Variants in FLRT1 observed in about 807,000 individuals in gnomAD.
FLRT1 encodes fibronectin leucine rich transmembrane protein 1.
A neutral mutation model predicts 30.9 loss-of-function variants in FLRT1; 14 were observed. The observed-to-expected ratio is 0.45, with a 90% CI of 0.30 to 0.71. FLRT1 has a LOEUF of 0.71. Ranked by LOEUF, FLRT1 falls within the 30% of genes least tolerant of loss-of-function variation. The pLI, the probability that FLRT1 is intolerant of heterozygous loss-of-function variation, is 0.08. For missense variants in FLRT1, 737 were observed against 949.2 expected (o/e 0.78, Z 2.94); for synonymous variants, 368 against 430.4 (o/e 0.85, Z 1.80).
At chr11:64,062,632 C>T (rs766456609) in intron 1 of FLRT1, among the ~76,000 whole-genome samples, 1 of 112,254 alleles carries the variant, frequency 8.9e-6, no homozygotes, top group African/African-American at 5.2e-5. Context: ...AGCAAAGGCA[C>T]GTGGCCCTGC....
intron 1 of FLRT1, among the ~76,000 whole-genome samples, chr11:64,063,641 T>C (rs987037363): frequency 6.6e-6 from 1 of 152,082 alleles, no homozygotes; most frequent in African/African-American, 2.4e-5. Flanking sequence ...GGAGTGGGGT[T>C]TGTGTGACGT....
rs1355265061 is a variant in FLRT1 at position 64,054,174 on chromosome 11, G to A, written c.-1038+18015G>A. On this transcript the variant is annotated intron_variant, in intron 1 of 2. Transcript: ENST00000682287. The stretch of plus-strand genomic sequence containing the variant: ...CTAGCCAGGGTCAGGGCAGGGAAGC[G>A]GAAAGGAGGCCCCAACCTCCCTGGG... Among the ~76,000 whole-genome samples the A allele has an allele frequency of 3.9e-5, 6 of 152,304 alleles. No homozygotes were observed. In the Middle Eastern group the frequency reaches 0.01, roughly 259 times the overall value.
chr11:64,083,466 A>G (rs1944338024), intron 1 of FLRT1, among the ~76,000 whole-genome samples: 1 of 152,186 alleles, frequency 6.6e-6, no homozygotes, highest in Non-Finnish European at 1.5e-5. Flanking sequence ...TAAAAGAAGC[A>G]AATGGCAGGA....
At chr11:64,068,152 G>A (rs1303925052) in intron 1 of FLRT1, among the ~76,000 whole-genome samples, 3 of 152,370 alleles carry the variant, frequency 2.0e-5, no homozygotes, top group South Asian at 2.1e-4. Context: ...AAGATATGGC[G>A]TTCAAATTGG....
At chr11:64,052,352 T>A (rs1056969106) in intron 1 of FLRT1, among the ~76,000 whole-genome samples, 23 of 152,320 alleles carry the variant, frequency 1.5e-4, no homozygotes, top group Non-Finnish European at 1.2e-4. Flanking sequence ...TTTTTAAAAA[T>A]TTTTAAAGAG....
chr11:64,118,142 C>A lies in FLRT1; in HGVS notation c.1875C>A (p.Asn625Lys). Residue 625 changes from asparagine (N) to lysine (K), a missense_variant, in exon 3 of 3, where the codon AAC becomes AAA. Physicochemically the swap from Asn to Lys is moderately conservative, Grantham distance 94 (BLOSUM62 0). Transcript: ENST00000682287. Reference protein sequence around the residue: ...RGPGLQMLPINPYRAKEEYVV... With the variant: ...RGPGLQMLPIKPYRAKEEYVV... ...CTGGGCTGCAGATGCTGCCCATCAA[C>A]CCGTACCGCGCCAAAGAAGAGTACG... 6.2e-7 allele frequency: 1 copy of A among 1,613,842 alleles called. No individual in the cohort carries two copies. Among genetic ancestry groups the A allele is most frequent in the Non-Finnish European group, 8.5e-7 (1 of 1,179,956 alleles).
At chr11:64,065,537 C>T (rs538185462) in intron 1 of FLRT1, among the ~76,000 whole-genome samples, 2 of 152,090 alleles carry the variant, frequency 1.3e-5, no homozygotes, top group Non-Finnish European at 2.9e-5. Flanking sequence ...TGCCTGTAAT[C>T]CCAGCACTTT....
At chr11:64,097,899 G>A (rs962896543) in intron 1 of FLRT1, among the ~76,000 whole-genome samples, 6 of 152,156 alleles carry the variant, frequency 3.9e-5, no homozygotes, top group Non-Finnish European at 8.8e-5. Flanking sequence ...TCTTGGTGGT[G>A]CTCCTGGGAG....
chr11:64,066,072 G>A (rs1462959257), intron 1 of FLRT1, among the ~76,000 whole-genome samples: 3 of 152,020 alleles, frequency 2.0e-5, no homozygotes, highest in South Asian at 2.1e-4. Context: ...TGAGGTGGGC[G>A]GATCACCTGA....
At chr11:64,089,139 G>A (rs61884706) in intron 1 of FLRT1, among the ~76,000 whole-genome samples, 48,095 of 152,178 alleles carry the variant, frequency 0.32, 9,320 homozygotes, top group Middle Eastern at 0.43. Flanking sequence ...GGAGCCCGCT[G>A]GTGACCAGCA....
intron 1 of FLRT1, among the ~76,000 whole-genome samples, chr11:64,102,413 G>A (rs1944686843): frequency 1.3e-5 from 2 of 152,168 alleles, no homozygotes; most frequent in Non-Finnish European, 1.5e-5. Flanking sequence ...CCAGAAACAC[G>A]GAGACCCAAC....
intron 2 of FLRT1, among the ~76,000 whole-genome samples, chr11:64,109,677 A>G (rs1314348389): frequency 1.3e-5 from 2 of 151,994 alleles, no homozygotes; most frequent in African/African-American, 2.4e-5. Flanking sequence ...AGGGCCTCCC[A>G]TGGGAGGCTG....
At chr11:64,054,762 C>A (rs1332349778) in intron 1 of FLRT1, among the ~76,000 whole-genome samples, 1 of 152,126 alleles carries the variant, frequency 6.6e-6, no homozygotes, top group African/African-American at 2.4e-5. Context: ...CCTGGCCAGC[C>A]CCTTCCTGCC....
At chr11:64,069,778 C>T (rs539599765) in intron 1 of FLRT1, among the ~76,000 whole-genome samples, 2 of 152,324 alleles carry the variant, frequency 1.3e-5, no homozygotes, top group African/African-American at 2.4e-5. Context: ...AACCTCCGCA[C>T]GCTGCCGGCC....
At chr11:64,095,992 C>A (rs1944570410) in intron 1 of FLRT1, among the ~76,000 whole-genome samples, 1 of 152,222 alleles carries the variant, frequency 6.6e-6, no homozygotes, top group South Asian at 2.1e-4. Flanking sequence ...CCCAGGGGCC[C>A]ATGAGCCTGC....
In FLRT1 at chr11:64,118,306, G is replaced by A. The variant is rs369302404; in HGVS notation, c.*14G>A. ...TCCTACACATGATGCCCGCCCACCC[G>A]GGCTGCCCCGCCTCAGCCCCAGCTG... On this transcript the variant is annotated 3_prime_UTR_variant, in exon 3 of 3. Transcript: ENST00000682287. 76 of 1,537,254 alleles carry A rather than the reference G, an allele frequency of 4.9e-5. 2 individuals are homozygous for A. The South Asian group carries it at 7.6e-4, about 15-fold the overall frequency.
intron 1 of FLRT1, among the ~76,000 whole-genome samples, chr11:64,055,234 C>T (rs909838961): frequency 6.6e-6 from 1 of 152,240 alleles, no homozygotes; most frequent in Non-Finnish European, 1.5e-5. Context: ...GGGTGAGGGG[C>T]AGCCAGTAGC....
At chr11:64,054,363 A>G (rs1382798041) in intron 1 of FLRT1, among the ~76,000 whole-genome samples, 2 of 152,224 alleles carry the variant, frequency 1.3e-5, no homozygotes, top group Admixed American at 6.5e-5. Context: ...CCACTTCTCC[A>G]GGAGACTGAG....
chr11:64,043,521 C>T (rs1943528509), intron 1 of FLRT1, among the ~76,000 whole-genome samples: 1 of 152,136 alleles, frequency 6.6e-6, no homozygotes, highest in Non-Finnish European at 1.5e-5. Context: ...CTCTGGAGGG[C>T]TCTGGAGAGC....
Sources: gnomAD v4.1 joint callset for allele counts (sites outside exome capture counted in the v4.1 genomes callset) on GRCh38, gnomAD v4.1.1 for gene constraint, MANE v1.5 for transcripts, NCBI Gene and HGNC (gene_info 2026-07-23, HGNC 2026-07-21) for gene names.